Variants in CDR2 observed in about 807,000 individuals in gnomAD.
CDR2 encodes the protein cerebellar degeneration-related protein 2.
CDR2 carries 34 observed loss-of-function variants against 48.4 expected under a neutral mutation model. The observed-to-expected ratio is 0.70, with a 90% CI of 0.53 to 0.94. The LOEUF (loss-of-function observed/expected upper bound fraction) is 0.94. Among genes scored for constraint, CDR2 ranks in the 40% least tolerant of loss-of-function variants. CDR2 has a pLI of 0.00. For missense variants in CDR2, 498 were observed against 549.5 expected (o/e 0.91, Z 0.94); for synonymous variants, 240 against 219.7 (o/e 1.09, Z -0.82).
intron 2 of CDR2, among the ~76,000 whole-genome samples, chr16:22,350,859 A>G (rs1463572186): frequency 6.6e-6 from 1 of 152,210 alleles, no homozygotes; most frequent in Non-Finnish European, 1.5e-5. Context: ...TTTAACAGAA[A>G]TAAAGCCTAA....
chr16:22,366,131 G>A (rs2049043431), intron 1 of CDR2, among the ~76,000 whole-genome samples: 1 of 152,202 alleles, frequency 6.6e-6, no homozygotes, highest in Admixed American at 6.5e-5. Context: ...ATTAGCTATA[G>A]AACAGTGAAT....
At chr16:22,350,214 G>T (rs988224518) in intron 2 of CDR2, among the ~76,000 whole-genome samples, 2 of 151,932 alleles carry the variant, frequency 1.3e-5, no homozygotes, top group Non-Finnish European at 2.9e-5. Flanking sequence ...GATACCTGCT[G>T]TTCTGCTGTT....
At chr16:22,352,165 T>A (rs981463986) in intron 2 of CDR2, among the ~76,000 whole-genome samples, 5 of 152,148 alleles carry the variant, frequency 3.3e-5, no homozygotes, top group East Asian at 1.9e-4. Flanking sequence ...GGCATGAGAA[T>A]CTTTTGAACG....
Position 22,358,142 on chromosome 16 carries a change from T to C in CDR2, c.192+6760A>G, listed in dbSNP as rs74886966. Reference sequence around the variant, plus strand: ...CTAGGTCTATGGAGTCAGTGCTTCATTTTTTTTCTGAATCTAGAAGGAAAT... The same window carrying C: ...CTAGGTCTATGGAGTCAGTGCTTCACTTTTTTTCTGAATCTAGAAGGAAAT... On this transcript the variant is annotated intron_variant, in intron 2 of 4. Transcript: ENST00000268383. 4.4e-3 allele frequency among the ~76,000 whole-genome samples: 666 copies of C among 152,158 alleles called. 4 individuals carry two copies. The highest frequency in any genetic ancestry group is 0.015 in the African/African-American group (641 of 41,510).
At position 22,349,451 on chromosome 16, in the gene CDR2, G is replaced by A. The variant is rs188180632; in HGVS notation, c.342-8C>T. On this transcript the variant is annotated splice_polypyrimidine_tract_variant and splice_region_variant and intron_variant, in intron 3 of 4. Transcript: ENST00000268383. The stretch of plus-strand genomic sequence containing the variant: ...TCAATCGTTTCAGTCAGGCTGTGAG[G>A]AACAGACAGAAGCCACTGCTGCTTG... 6.2e-6 allele frequency: 10 copies of A among 1,613,842 alleles called. No individual in the cohort carries two copies. Among genetic ancestry groups the A allele is most frequent in the Non-Finnish European group, 8.5e-6 (10 of 1,179,952 alleles).
intron 2 of CDR2, among the ~76,000 whole-genome samples, chr16:22,358,135 T>C (rs978274781): frequency 5.9e-5 from 9 of 152,178 alleles, no homozygotes; most frequent in African/African-American, 2.2e-4. Context: ...ATGGAGTCAG[T>C]GCTTCATTTT....
At chr16:22,371,606 A>AAC (rs1272966461) in intron 1 of CDR2, among the ~76,000 whole-genome samples, 1 of 152,248 alleles carries the variant, frequency 6.6e-6, no homozygotes, top group Non-Finnish European at 1.5e-5. Context: ...AAAATCTGTT[A>AAC]AAAGTTTAGG....
intron 4 of CDR2, 95 bp downstream of exon 4, chr16:22,349,184 T>C (rs1030177222): frequency 7.4e-7 from 1 of 1,359,280 alleles, no homozygotes; most frequent in African/African-American, 1.4e-5. Flanking sequence ...TAAGTGACTT[T>C]TCTTAAAATG....
intron 2 of CDR2, among the ~76,000 whole-genome samples, chr16:22,361,177 A>C (rs933995548): frequency 3.9e-5 from 6 of 152,220 alleles, no homozygotes; most frequent in African/African-American, 1.4e-4. Context: ...CCGGGTGGTG[A>C]CCAGATGAGC....
At chr16:22,364,453 G>A (rs1411979715) in intron 2 of CDR2, among the ~76,000 whole-genome samples, 1 of 152,070 alleles carries the variant, frequency 6.6e-6, no homozygotes, top group African/African-American at 2.4e-5. Flanking sequence ...GGAGGTATAA[G>A]TTCCCTCTCC....
At chr16:22,372,410 T>C (rs554490687) in intron 1 of CDR2, among the ~76,000 whole-genome samples, 2 of 152,224 alleles carry the variant, frequency 1.3e-5, no homozygotes, top group South Asian at 4.1e-4. Flanking sequence ...TCAACAAATA[T>C]TAAAATCGAG....
In CDR2 at chr16:22,349,398, G is replaced by C. The variant is rs574150018; in HGVS notation, c.387C>G (p.Leu129=). Residue 129 remains leucine, a synonymous_variant, in exon 4 of 5, where the codon CTC becomes CTG. Coordinates refer to ENST00000268383, the MANE Select transcript of CDR2 (RefSeq NM_001802.2). ...IECLQTNIDH[L]QSQVEELKSS... The stretch of plus-strand genomic sequence containing the variant: ...ACTTCAGCTCCTCCACTTGGCTCTG[G>C]AGGTGATCAATGTTGGTTTGCAGGC... The C allele has an allele frequency of 1.2e-4, 187 of 1,614,146 alleles. 4 individuals are homozygous for C. In the South Asian group the frequency reaches 2.0e-3, roughly 17 times the overall value.
intron 2 of CDR2, among the ~76,000 whole-genome samples, chr16:22,354,713 C>T: frequency 6.7e-6 from 1 of 149,746 alleles, no homozygotes; most frequent in Non-Finnish European, 1.5e-5. Flanking sequence ...CATGGTGAAA[C>T]TCCATCTCTA....
chr16:22,354,176 C>A (rs1209303811), intron 2 of CDR2, among the ~76,000 whole-genome samples: 1 of 152,164 alleles, frequency 6.6e-6, no homozygotes, highest in Non-Finnish European at 1.5e-5. Context: ...GCATTTTTAG[C>A]AACAAACCCA....
chr16:22,347,880 G>A, intron 4 of CDR2, 57 bp from the exon 5 acceptor site: 2 of 1,454,216 alleles, frequency 1.4e-6, no homozygotes, highest in Non-Finnish European at 1.8e-6. Flanking sequence ...AATGACGAGA[G>A]GAAGACTGGT....
At chr16:22,359,159 GCTT>G (rs2048995663) in intron 2 of CDR2, among the ~76,000 whole-genome samples, 1 of 151,402 alleles carries the variant, frequency 6.6e-6, no homozygotes, top group Admixed American at 6.6e-5. Context: ...ACGGAGTCTC[GCTT>G]TTTTGCTCAG....
rs752407006 is a variant in CDR2, at chr16:22,347,470, C to G, written c.860G>C (p.Ser287Thr). The change falls in exon 5 of 5, where the codon AGC (serine) becomes ACC (threonine). Residue 287 changes from serine (S) to threonine (T), a missense_variant. Transcript: ENST00000268383. ...DSLYVPFKEP[S>T]QSLLEEMFLT... ...GAACATCTCTTCCAGCAGGCTCTGG[C>G]TGGGCTCTTTGAAAGGAACATACAG... 1.2e-6 allele frequency: 2 copies of G among 1,614,032 alleles called. No individual in the cohort carries two copies. Among genetic ancestry groups the G allele is most frequent in the Non-Finnish European group, 1.7e-6 (2 of 1,179,984 alleles).
chr16:22,358,358 G>A (rs2048989727), intron 2 of CDR2, among the ~76,000 whole-genome samples: 1 of 152,080 alleles, frequency 6.6e-6, no homozygotes, highest in South Asian at 2.1e-4. Context: ...TCAACTTATA[G>A]CAAAATGCCT....
Position 22,349,814 on chromosome 16 carries a change from C to T in CDR2, c.228G>A (p.Met76Ile). 1.2e-6 allele frequency: 2 copies of T among 1,614,116 alleles called. No homozygotes were observed. Among genetic ancestry groups the T allele is most frequent in the Non-Finnish European group, 1.7e-6 (2 of 1,179,962 alleles). Residue 76 changes from methionine (M) to isoleucine (I), a missense_variant, in exon 3 of 5, where the codon ATG becomes ATA. Coordinates refer to ENST00000268383, the MANE Select transcript of CDR2 (RefSeq NM_001802.2). The stretch of plus-strand genomic sequence containing the variant: ...CATAAACCTTTGCATGTTGTTCGTT[C>T]ATCTGCCGTAGAAGTTCCACTTGCT... Reference protein sequence around the residue: ...LTKQVELLRQMNEQHAKVYEQ... With the variant: ...LTKQVELLRQINEQHAKVYEQ...
Sources: allele counts gnomAD v4.1 joint callset (sites outside exome capture counted in the v4.1 genomes callset), GRCh38; gene constraint gnomAD v4.1.1; transcripts MANE v1.5; gene names NCBI Gene and HGNC (gene_info 2026-07-23, HGNC 2026-07-21).